The following TMEM117 variants were observed in gnomAD, a reference collection of about 807,000 sequenced individuals.
TMEM117 encodes the protein transmembrane protein 117.
TMEM117 carries 27 observed loss-of-function variants against 52.4 expected under a neutral mutation model. The observed-to-expected ratio is 0.51, with a 90% CI of 0.38 to 0.71. The LOEUF (loss-of-function observed/expected upper bound fraction) is 0.71. Ranked by LOEUF, TMEM117 falls within the 30% of genes least tolerant of loss-of-function variation. The probability of loss-of-function intolerance (pLI) is 0.00; values close to 1 mark genes in which losing one functional copy is unlikely to be tolerated. For missense variants in TMEM117, 556 were observed against 630.5 expected (o/e 0.88, Z 1.26); for synonymous variants, 215 against 206.3 (o/e 1.04, Z -0.36).
intron 3 of TMEM117, among the ~76,000 whole-genome samples, chr12:43,970,863 A>G (rs1224275483): frequency 4.6e-5 from 7 of 151,858 alleles, no homozygotes; most frequent in African/African-American, 1.7e-4. Context: ...CACTGTCTTT[A>G]TGCAGGAGAT....
intron 5 of TMEM117, among the ~76,000 whole-genome samples, chr12:44,265,818 A>G (rs1449421364): frequency 1.3e-5 from 2 of 152,056 alleles, no homozygotes; most frequent in African/African-American, 4.8e-5. Context: ...TTATTTACCT[A>G]TTCTGGATAT....
intron 3 of TMEM117, among the ~76,000 whole-genome samples, chr12:44,050,856 A>T (rs534682298): frequency 3.3e-5 from 5 of 152,364 alleles, no homozygotes; most frequent in African/African-American, 9.6e-5. Context: ...ATTTAATCTT[A>T]CTGACAGCCC....
intron 5 of TMEM117, among the ~76,000 whole-genome samples, chr12:44,223,451 C>T (rs1949817983): frequency 6.6e-6 from 1 of 151,068 alleles, no homozygotes; most frequent in Admixed American, 6.6e-5. Flanking sequence ...CTTCTCCCTT[C>T]ATGGTGGCTT....
intron 4 of TMEM117, among the ~76,000 whole-genome samples, chr12:44,185,487 G>A (rs528823943): frequency 6.6e-6 from 1 of 152,190 alleles, no homozygotes; most frequent in African/African-American, 2.4e-5. Flanking sequence ...GAACAGAAAA[G>A]TGAGTTATTA....
At position 43,969,906 on chromosome 12, in the gene TMEM117, C is replaced by T. The variant is rs554234225; in HGVS notation, c.410+25564C>T. Reference sequence around the variant, plus strand: ...ACTCTCCTCCTCTCTTTAATCTCTCCTCTAGGTATAGCAGTATCTCCTTAT... The same window carrying T: ...ACTCTCCTCCTCTCTTTAATCTCTCTTCTAGGTATAGCAGTATCTCCTTAT... On this transcript the variant is annotated intron_variant, in intron 3 of 7. Transcript: ENST00000266534. 4.9e-4 allele frequency among the ~76,000 whole-genome samples: 75 copies of T among 152,266 alleles called. 1 individual carries two copies. In the South Asian group the frequency reaches 0.014, roughly 29 times the overall value.
chr12:44,318,942 C>T (rs978877689), intron 6 of TMEM117, among the ~76,000 whole-genome samples: 1 of 152,210 alleles, frequency 6.6e-6, no homozygotes, highest in African/African-American at 2.4e-5. Context: ...CCAGCAAGGT[C>T]ACACACAGGC....
In TMEM117 at chr12:44,138,621, C is replaced by T. The variant is rs149578922; in HGVS notation, c.411-4904C>T. On this transcript the variant is annotated intron_variant, in intron 3 of 7. Transcript: ENST00000266534. ...TAGGAAATTTGAGTTGGAATTTTAT[C>T]AGTGACCATTGTTAGGTTCAGATGC... 1.7e-3 allele frequency among the ~76,000 whole-genome samples: 257 copies of T among 152,198 alleles called. 3 individuals carry two copies. The highest frequency in any genetic ancestry group is 5.8e-3 in the African/African-American group (242 of 41,538).
chr12:44,028,248 C>T lies in TMEM117; in HGVS notation c.410+83906C>T, dbSNP rs146707750. ...ATTTTTTTTTAAAGGCATTAAAACC[C>T]TTCCATCATTCCAGTATCTGGAACA... On this transcript the variant is annotated intron_variant, in intron 3 of 7. Coordinates refer to ENST00000266534, the MANE Select transcript of TMEM117 (RefSeq NM_032256.3). Among the ~76,000 whole-genome samples, 689 of 148,968 alleles carry T rather than the reference C, an allele frequency of 4.6e-3. 6 individuals are homozygous for T. The highest frequency in any genetic ancestry group is 0.016 in the African/African-American group (645 of 40,342).
intron 2 of TMEM117, among the ~76,000 whole-genome samples, chr12:43,904,945 A>G (rs2137514338): frequency 6.6e-6 from 1 of 152,236 alleles, no homozygotes; most frequent in Non-Finnish European, 1.5e-5. Flanking sequence ...GGAGTTCGAG[A>G]CCAGCCTAAC....
intron 2 of TMEM117, among the ~76,000 whole-genome samples, chr12:43,847,515 T>TA (rs1288943111): frequency 6.6e-6 from 1 of 152,158 alleles, no homozygotes; most frequent in Non-Finnish European, 1.5e-5. Context: ...ACAGTGGCCC[T>TA]AGGGAGTTGG....
chr12:43,889,423 G>C lies in TMEM117; in HGVS notation c.277+44495G>C, dbSNP rs111730415. On this transcript the variant is annotated intron_variant, in intron 2 of 7. Transcript: ENST00000266534. ...AGCACACAACCTAGATCCCTCGCATGTGCAGTTCACAATAGGGTTCACACT... is the reference window on the plus strand; with the variant it reads ...AGCACACAACCTAGATCCCTCGCATCTGCAGTTCACAATAGGGTTCACACT... Among the ~76,000 whole-genome samples, 635 of 152,248 alleles carry C rather than the reference G, an allele frequency of 4.2e-3. 6 individuals are homozygous for C. Among genetic ancestry groups the C allele is most frequent in the African/African-American group, 0.015 (612 of 41,552 alleles).
intron 5 of TMEM117, among the ~76,000 whole-genome samples, chr12:44,217,937 AC>A (rs1240481117): frequency 2.6e-5 from 4 of 152,062 alleles, no homozygotes; most frequent in Admixed American, 2.0e-4. Context: ...ATACTAGCAA[AC>A]CAGGCTGGGG....
chr12:44,192,704 A>G (rs1382618807), intron 4 of TMEM117, among the ~76,000 whole-genome samples: 1 of 152,360 alleles, frequency 6.6e-6, no homozygotes, highest in East Asian at 1.9e-4. Flanking sequence ...TGAAATACAC[A>G]CAGAATCCAT....
chr12:43,840,511 C>T (rs1167509021), intron 1 of TMEM117, among the ~76,000 whole-genome samples: 1 of 152,216 alleles, frequency 6.6e-6, no homozygotes. Flanking sequence ...CTTCTCTTCG[C>T]TTTGTTTGCC....
chr12:44,299,470 G>T, intron 5 of TMEM117, 110 bp from the exon 6 acceptor site: 1 of 1,394,974 alleles, frequency 7.2e-7, no homozygotes, highest in Non-Finnish European at 9.8e-7. Flanking sequence ...TATACCTTAG[G>T]GTAGGTGCTT....
chr12:44,222,667 T>C (rs986705593), intron 5 of TMEM117, among the ~76,000 whole-genome samples: 2 of 152,216 alleles, frequency 1.3e-5, no homozygotes, highest in Non-Finnish European at 2.9e-5. Flanking sequence ...TCCATTTTCA[T>C]GGGCAGGAGT....
intron 1 of TMEM117, among the ~76,000 whole-genome samples, chr12:43,840,441 G>T (rs897581362): frequency 6.6e-6 from 1 of 152,138 alleles, no homozygotes; most frequent in Non-Finnish European, 1.5e-5. Flanking sequence ...AGGGAGTTGA[G>T]GGGGGGTGCA....
rs1949655071 is a variant in TMEM117, at chr12:44,212,197, A to AT, written c.608+814dup. ...TGTTCCAGAAATAAACCATACATAC[A>AT]TTTTAAATTGTGTGCTGTTCTGAGT... On this transcript the variant is annotated intron_variant, in intron 5 of 7. Transcript: ENST00000266534. Among the ~76,000 whole-genome samples, 4 of 152,198 alleles carry AT rather than the reference A, an allele frequency of 2.6e-5. No individual in the cohort carries two copies. In the South Asian group the frequency reaches 8.3e-4, roughly 32 times the overall value.
At chr12:43,914,017 G>A (rs891369507) in intron 2 of TMEM117, among the ~76,000 whole-genome samples, 1 of 152,144 alleles carries the variant, frequency 6.6e-6, no homozygotes, top group African/African-American at 2.4e-5. Context: ...AGATGTGAAA[G>A]ATAGAAATGC....
Sources: allele counts gnomAD v4.1 joint callset (sites outside exome capture counted in the v4.1 genomes callset), GRCh38; gene constraint gnomAD v4.1.1; transcripts MANE v1.5; gene names NCBI Gene and HGNC (gene_info 2026-07-23, HGNC 2026-07-21).